DDX31: variants seen among roughly 807,000 people sequenced by gnomAD.
DDX31 encodes the protein ATP-dependent DNA helicase DDX31.
A neutral mutation model predicts 91.3 loss-of-function variants in DDX31; 70 were observed. That is an observed-to-expected ratio of 0.77 (90% CI 0.63 to 0.94). DDX31 has a LOEUF of 0.94. Among genes scored for constraint, DDX31 ranks in the 40% least tolerant of loss-of-function variants. The probability of loss-of-function intolerance (pLI) is 0.00; values close to 1 mark genes in which losing one functional copy is unlikely to be tolerated. For synonymous variants in DDX31, 362 were observed against 350.6 expected (o/e 1.03, Z -0.36); for missense variants, 902 against 925.0 (o/e 0.98, Z 0.32).
intron 14 of DDX31, among the ~76,000 whole-genome samples, chr9:132,636,863 G>A (rs576408094): frequency 6.6e-6 from 1 of 152,304 alleles, no homozygotes; most frequent in African/African-American, 2.4e-5. Flanking sequence ...GTCCCACTTA[G>A]GGGCTGTCCA....
At chr9:132,665,279 T>G (rs1420411437) in intron 1 of DDX31, among the ~76,000 whole-genome samples, 1 of 152,184 alleles carries the variant, frequency 6.6e-6, no homozygotes, top group African/African-American at 2.4e-5. Context: ...ACTTGTTAGC[T>G]TTTCTCCCCC....
chr9:132,637,953 G>A (rs1337955168), intron 14 of DDX31: 21 of 1,008,370 alleles, frequency 2.1e-5, no homozygotes, highest in African/African-American at 5.2e-5. Flanking sequence ...CTCCTGGCAC[G>A]GTGGAAATTC....
intron 19 of DDX31, among the ~76,000 whole-genome samples, chr9:132,611,743 G>A (rs1033891084): frequency 1.2e-4 from 18 of 151,996 alleles, no homozygotes; most frequent in African/African-American, 4.4e-4. Context: ...TGGGCACTCA[G>A]CCCTTCCATC....
chr9:132,661,484 C>T (rs1834943697), intron 3 of DDX31, among the ~76,000 whole-genome samples: 1 of 152,046 alleles, frequency 6.6e-6, no homozygotes, highest in African/African-American at 2.4e-5. Flanking sequence ...GGGAGGGGGG[C>T]ACTGCTGGCA....
intron 14 of DDX31, among the ~76,000 whole-genome samples, chr9:132,639,239 GA>G (rs1833329594): frequency 6.6e-6 from 1 of 152,082 alleles, no homozygotes; most frequent in East Asian, 1.9e-4. Flanking sequence ...GAAGAGCCAG[GA>G]ACACCGAGAG....
intron 14 of DDX31, among the ~76,000 whole-genome samples, chr9:132,639,394 C>T (rs1288567603): frequency 1.3e-5 from 2 of 152,118 alleles, no homozygotes; most frequent in Admixed American, 6.5e-5. Context: ...GCTGGAGTGA[C>T]CTGGACTAGA....
intron 3 of DDX31, among the ~76,000 whole-genome samples, chr9:132,661,903 A>C (rs1834978373): frequency 6.6e-6 from 1 of 152,120 alleles, no homozygotes; most frequent in Non-Finnish European, 1.5e-5. Context: ...TGCCACCACA[A>C]ATGGCTTCAC....
intron 17 of DDX31, among the ~76,000 whole-genome samples, chr9:132,624,061 A>C (rs1359827420): frequency 2.0e-5 from 3 of 150,568 alleles, no homozygotes; most frequent in Non-Finnish European, 4.4e-5. Context: ...CAGCTGCTCA[A>C]GAGGCTGAGG....
At chr9:132,618,233 G>T (rs1270640819) in intron 18 of DDX31, 97 bp downstream of exon 18, 101 of 971,410 alleles carry the variant, frequency 1.0e-4, no homozygotes, top group Non-Finnish European at 4.5e-6. Flanking sequence ...GGACCTCCAT[G>T]TTGGCCTCTC....
intron 18 of DDX31, among the ~76,000 whole-genome samples, chr9:132,617,913 C>T (rs973032963): frequency 2.0e-5 from 3 of 152,150 alleles, no homozygotes; most frequent in African/African-American, 4.8e-5. Context: ...TTTCTTTGTG[C>T]CTTCAAATAG....
chr9:132,626,445 C>T (rs1832398735), intron 16 of DDX31, among the ~76,000 whole-genome samples: 1 of 152,190 alleles, frequency 6.6e-6, no homozygotes, highest in South Asian at 2.1e-4. Flanking sequence ...GGAAAGCCTC[C>T]GCTTCATCCA....
At chr9:132,626,071 C>T (rs964821218) in intron 16 of DDX31, among the ~76,000 whole-genome samples, 3 of 151,706 alleles carry the variant, frequency 2.0e-5, no homozygotes, top group African/African-American at 7.3e-5. Flanking sequence ...CACTGATCCA[C>T]TCCCTTGATT....
At chr9:132,650,677 G>C (rs949658888) in intron 8 of DDX31, among the ~76,000 whole-genome samples, 1 of 152,166 alleles carries the variant, frequency 6.6e-6, no homozygotes, top group African/African-American at 2.4e-5. Context: ...CCTAATAAAA[G>C]AAAGGATGGA....
In DDX31 at chr9:132,612,241, T is replaced by A; in HGVS notation, c.1840A>T (p.Ile614Phe). 6.2e-7 allele frequency: 1 copy of A among 1,614,120 alleles called. No homozygotes were observed. The highest frequency in any genetic ancestry group is 1.6e-4 in the Middle Eastern group (1 of 6,062). The change falls in exon 19 of 20, where the codon ATC (isoleucine) becomes TTC (phenylalanine). Residue 614 changes from isoleucine (I) to phenylalanine (F), a missense_variant. Coordinates refer to ENST00000372159, the MANE Select transcript of DDX31 (RefSeq NM_022779.9). ...SWAKKALQSF[I>F]QAYATYPREL... The stretch of plus-strand genomic sequence containing the variant: ...CTGGGGTAGGTGGCGTAGGCTTGGA[T>A]GAAGGACTGCAGAGCTGAAAGAAAA...
At chr9:132,617,562 C>T (rs186458359) in intron 18 of DDX31, among the ~76,000 whole-genome samples, 39 of 149,546 alleles carry the variant, frequency 2.6e-4, no homozygotes, top group Admixed American at 1.8e-3. Context: ...TACAGTGTTC[C>T]GATATTGGTA....
intron 19 of DDX31, among the ~76,000 whole-genome samples, chr9:132,603,001 C>G (rs1830800311): frequency 6.6e-6 from 1 of 152,138 alleles, no homozygotes; most frequent in Admixed American, 6.5e-5. Flanking sequence ...GCTTCAGGAT[C>G]TCTAAGACTC....
intron 17 of DDX31, among the ~76,000 whole-genome samples, chr9:132,623,517 T>A (rs541605612): frequency 4.0e-5 from 5 of 125,614 alleles, no homozygotes; most frequent in South Asian, 5.0e-4. Flanking sequence ...CGTGCCACTG[T>A]ACTCCAGCCT....
intron 13 of DDX31, 128 bp from the exon 14 acceptor site, chr9:132,642,191 G>A: frequency 1.2e-6 from 1 of 810,130 alleles, no homozygotes; most frequent in Non-Finnish European, 2.0e-6. Flanking sequence ...AGGTTTGCCA[G>A]GAAAGAGGAA....
Position 132,662,252 on chromosome 9 carries a change from G to T in DDX31, c.408+9C>A. 6.2e-7 allele frequency: 1 copy of T among 1,614,040 alleles called. No homozygotes were observed. Among genetic ancestry groups the T allele is most frequent in the Middle Eastern group, 1.6e-4 (1 of 6,062 alleles). ...AAAACTGACCCAGAAAACACTGAAAGGTACTTACTAAATGTGGGTGGAGGC... is the reference window on the plus strand; with the variant it reads ...AAAACTGACCCAGAAAACACTGAAATGTACTTACTAAATGTGGGTGGAGGC... On this transcript the variant is annotated intron_variant, in intron 3 of 19. Coordinates refer to ENST00000372159, the MANE Select transcript of DDX31 (RefSeq NM_022779.9).
Sources: gnomAD v4.1 joint callset for allele counts (sites outside exome capture counted in the v4.1 genomes callset) on GRCh38, gnomAD v4.1.1 for gene constraint, MANE v1.5 for transcripts, NCBI Gene and HGNC (gene_info 2026-07-23, HGNC 2026-07-21) for gene names.